The following LRFN2 variants were observed in gnomAD, a reference collection of about 807,000 sequenced individuals.
LRFN2 encodes leucine-rich repeat and fibronectin type-III domain-containing protein 2.
In LRFN2, 18 loss-of-function variants were observed where a neutral mutation model predicts 37.3. The ratio of observed to expected loss-of-function variants is 0.48; its 90% CI spans 0.33 to 0.72. LRFN2 has a LOEUF of 0.72. LRFN2 is among the 30% of genes least tolerant of loss of function. The pLI is 0.02. For synonymous variants in LRFN2, 556 were observed against 466.6 expected, an observed-to-expected ratio of 1.19 and a Z score of -2.47; for missense variants, 1,006 against 1,060.7, an observed-to-expected ratio of 0.95 and a Z score of 0.72.
chr6:40,392,081 A>AG lies in LRFN2; in HGVS notation c.2231dup (p.Pro745SerfsTer23). On this transcript the variant is annotated frameshift_variant, in exon 3 of 3. Coordinates refer to ENST00000338305, the MANE Select transcript of LRFN2 (RefSeq NM_020737.3). LOFTEE classifies it high-confidence loss of function. This position sits in a 1 kb window ranked among gnomAD's most constrained non-coding sequence, Gnocchi z 4.7. ...TCCAGATGTTCGAGACCTTCCGAGGAGGACTGTAGCCGCCCGGCACGACCC... is the reference window on the plus strand; with the variant it reads ...TCCAGATGTTCGAGACCTTCCGAGGAGGGACTGTAGCCGCCCGGCACGACCC... The AG allele has an allele frequency of 6.2e-7, 1 of 1,614,034 alleles. No individual in the cohort carries two copies. Among genetic ancestry groups the AG allele is most frequent in the Non-Finnish European group, 8.5e-7 (1 of 1,179,980 alleles).
At chr6:40,490,838 C>G (rs1056775012) in intron 1 of LRFN2, among the ~76,000 whole-genome samples, 1 of 152,230 alleles carries the variant, frequency 6.6e-6, no homozygotes, top group African/African-American at 2.4e-5. Flanking sequence ...CTTTCTGGCC[C>G]TCTGTTCCCT....
intron 2 of LRFN2, among the ~76,000 whole-genome samples, chr6:40,424,404 C>G (rs1259176407): frequency 2.0e-5 from 3 of 152,202 alleles, no homozygotes; most frequent in Non-Finnish European, 4.4e-5. Flanking sequence ...TGCCCCACAG[C>G]AGGTACATAG....
At chr6:40,407,606 C>G (rs998357121) in intron 2 of LRFN2, among the ~76,000 whole-genome samples, 1 of 152,194 alleles carries the variant, frequency 6.6e-6, no homozygotes, top group Non-Finnish European at 1.5e-5. Flanking sequence ...AACAACAACT[C>G]ATCACTTGGA....
chr6:40,496,562 C>T (rs1434896306), intron 1 of LRFN2, among the ~76,000 whole-genome samples: 2 of 152,050 alleles, frequency 1.3e-5, no homozygotes, highest in Non-Finnish European at 2.9e-5. Context: ...TTGGACCCCT[C>T]TTACCCTGCC....
chr6:40,404,123 C>T (rs987906926), intron 2 of LRFN2, among the ~76,000 whole-genome samples: 2 of 152,142 alleles, frequency 1.3e-5, no homozygotes, highest in African/African-American at 2.4e-5. Flanking sequence ...ATCAACACTG[C>T]GGGCTTCCCC....
chr6:40,528,337 G>A (rs1766291926), intron 1 of LRFN2, among the ~76,000 whole-genome samples: 1 of 152,198 alleles, frequency 6.6e-6, no homozygotes, highest in Admixed American at 6.5e-5. Flanking sequence ...AGATGCCCAT[G>A]GGAAGAGGGA....
Position 40,416,166 on chromosome 6 carries a change from G to A in LRFN2, c.1400+15548C>T, listed in dbSNP as rs181756888. On this transcript the variant is annotated intron_variant, in intron 2 of 2. Coordinates refer to ENST00000338305, the MANE Select transcript of LRFN2 (RefSeq NM_020737.3). ...TGGGATTACAGGCATGTGCCAGCAC[G>A]CCCTGCTAATTTTTGTATGTTTAGT... is the stretch of plus-strand genomic sequence containing the variant. 6.6e-5 allele frequency among the ~76,000 whole-genome samples: 10 copies of A among 152,298 alleles called. No homozygotes were observed. The South Asian group carries it at 1.0e-3, about 16-fold the overall frequency.
At chr6:40,501,016 C>T (rs1022977692) in intron 1 of LRFN2, among the ~76,000 whole-genome samples, 1 of 149,040 alleles carries the variant, frequency 6.7e-6, no homozygotes, top group Non-Finnish European at 1.5e-5. Context: ...ATTGATAATA[C>T]AGGTACAACC....
chr6:40,433,556 T>C (rs1763568627), intron 1 of LRFN2, among the ~76,000 whole-genome samples: 1 of 152,214 alleles, frequency 6.6e-6, no homozygotes, highest in Admixed American at 6.5e-5. Flanking sequence ...ATGAATGCGA[T>C]ACCATATCAT....
At chr6:40,413,685 C>T (rs543296077) in intron 2 of LRFN2, among the ~76,000 whole-genome samples, 2 of 152,292 alleles carry the variant, frequency 1.3e-5, no homozygotes, top group East Asian at 1.9e-4. Context: ...CAGATGGAAT[C>T]CCCCAGGCCC....
chr6:40,431,148 T>C (rs1354384339), intron 2 of LRFN2, among the ~76,000 whole-genome samples: 1 of 152,086 alleles, frequency 6.6e-6, no homozygotes, highest in Non-Finnish European at 1.5e-5. Context: ...CAAAACTGAA[T>C]AAGTGCATTT....
chr6:40,406,279 C>T (rs1200829625), intron 2 of LRFN2, among the ~76,000 whole-genome samples: 1 of 152,202 alleles, frequency 6.6e-6, no homozygotes, highest in Admixed American at 6.5e-5. Flanking sequence ...TTAATTTGTG[C>T]TAGTGTTTGT....
At chr6:40,484,485 G>T (rs1764907027) in intron 1 of LRFN2, among the ~76,000 whole-genome samples, 1 of 152,096 alleles carries the variant, frequency 6.6e-6, no homozygotes, top group Non-Finnish European at 1.5e-5. Flanking sequence ...ATCACCCAGG[G>T]GACCCCAGAG....
At chr6:40,520,413 C>T (rs967664544) in intron 1 of LRFN2, among the ~76,000 whole-genome samples, 79 of 152,074 alleles carry the variant, frequency 5.2e-4, no homozygotes, top group African/African-American at 1.7e-3. Flanking sequence ...ACATGGGAGG[C>T]GGGTCATTTC....
intron 2 of LRFN2, among the ~76,000 whole-genome samples, chr6:40,429,810 G>A (rs1331201911): frequency 1.3e-5 from 2 of 152,152 alleles, no homozygotes; most frequent in African/African-American, 4.8e-5. Context: ...TAGGAGATTA[G>A]TTAAATAAAT....
In LRFN2 at chr6:40,432,887, G is replaced by A. The variant is rs1339295764; in HGVS notation, c.227C>T (p.Thr76Met). 8 of 1,614,106 alleles carry A rather than the reference G, an allele frequency of 5.0e-6. No homozygotes were observed. The highest frequency in any genetic ancestry group is 6.8e-6 in the Non-Finnish European group (8 of 1,180,050). Residue 76 changes from threonine (T) to methionine (M), a missense_variant, in exon 2 of 3, where the codon ACG becomes ATG. Transcript: ENST00000338305. ...GGACAGGGTCAGGTCCACCAGCCCC[G>A]TCATGTTGGCAAAGTCCTGGCGGCT... ...HISRQDFANM[T>M]GLVDLTLSRN...
chr6:40,527,004 G>A (rs2113906602), intron 1 of LRFN2, among the ~76,000 whole-genome samples: 1 of 152,282 alleles, frequency 6.6e-6, no homozygotes, highest in African/African-American at 2.4e-5. Context: ...CATAAATATG[G>A]ATTTGTCATC....
chr6:40,392,168 C>A lies in LRFN2; in HGVS notation c.2145G>T (p.Glu715Asp), dbSNP rs758124913. ...AGGAGTGGCTGCGTTTGGCCTTGCC[C>A]TCCAACGGCAAGGGGAGCAGGCTCC... The part of the protein sequence containing the change: ...RARSLLPLPL[E>D]GKAKRSHSFD... Residue 715 changes from glutamate to aspartate, a missense_variant, in exon 3 of 3, where the codon GAG (glutamate) becomes GAT (aspartate). By Grantham distance (45) the Glu-to-Asp change is conservative. Transcript: ENST00000338305. The surrounding 1 kb of genome is among the most constrained non-coding windows in gnomAD (Gnocchi z 4.7). 3.1e-6 allele frequency: 5 copies of A among 1,600,444 alleles called. No homozygotes were observed. The highest frequency in any genetic ancestry group is 1.7e-5 in the Admixed American group (1 of 58,904).
At chr6:40,508,521 T>G (rs1765604928) in intron 1 of LRFN2, among the ~76,000 whole-genome samples, 2 of 152,212 alleles carry the variant, frequency 1.3e-5, no homozygotes. Flanking sequence ...CACCTAGGTC[T>G]CCAGCAGTAC....
Sources: allele counts gnomAD v4.1 joint callset (sites outside exome capture counted in the v4.1 genomes callset), GRCh38; gene constraint gnomAD v4.1.1; non-coding constraint Gnocchi (gnomAD v3.1); transcripts MANE v1.5; gene names NCBI Gene and HGNC (gene_info 2026-07-23, HGNC 2026-07-21).